Variants in CXCL17 observed in about 807,000 individuals in gnomAD.
CXCL17 encodes the protein C-X-C motif chemokine 17.
Under a neutral mutation model 15.5 loss-of-function variants are expected in CXCL17, and 9 were observed. The ratio of observed to expected loss-of-function variants is 0.58; its 90% CI spans 0.35 to 1.01. The LOEUF (loss-of-function observed/expected upper bound fraction) is 1.01. Among genes scored for constraint, CXCL17 ranks in the 50% least tolerant of loss-of-function variants. The pLI, the probability that CXCL17 is intolerant of heterozygous loss-of-function variation, is 0.02. For missense variants in CXCL17, 133 were observed against 138.2 expected (o/e 0.96, Z 0.19); for synonymous variants, 52 against 52.3 (o/e 0.99, Z 0.02).
At chr19:42,438,010 T>C (rs2040849231) in intron 1 of CXCL17, among the ~76,000 whole-genome samples, 1 of 152,082 alleles carries the variant, frequency 6.6e-6, no homozygotes, top group Non-Finnish European at 1.5e-5. Context: ...CGATAAAGTC[T>C]AATTTATGAA....
chr19:42,431,597 TA>T (rs1236065271), intron 3 of CXCL17, among the ~76,000 whole-genome samples: 5 of 141,146 alleles, frequency 3.5e-5, no homozygotes, highest in African/African-American at 1.2e-4. Flanking sequence ...GGATGTGAAA[TA>T]GGGGGTCTCT....
chr19:42,430,542 C>T (rs1012549851), intron 3 of CXCL17, among the ~76,000 whole-genome samples: 12 of 148,382 alleles, frequency 8.1e-5, no homozygotes, highest in South Asian at 2.1e-4. Context: ...TGCAGTGAGC[C>T]GAGATTGCGC....
At chr19:42,431,610 C>T (rs1313211547) in intron 3 of CXCL17, among the ~76,000 whole-genome samples, 1 of 116,010 alleles carries the variant, frequency 8.6e-6, no homozygotes, top group East Asian at 2.1e-4. Flanking sequence ...GGGGTCTCTA[C>T]ATCATTTTTT....
chr19:42,441,810 T>C (rs974617749), intron 1 of CXCL17, among the ~76,000 whole-genome samples: 8 of 152,176 alleles, frequency 5.3e-5, no homozygotes, highest in African/African-American at 1.9e-4. Context: ...TGGGCCACTT[T>C]ATAGTGAAAG....
intron 1 of CXCL17, among the ~76,000 whole-genome samples, chr19:42,441,874 G>T (rs990086373): frequency 6.6e-6 from 1 of 152,184 alleles, no homozygotes; most frequent in African/African-American, 2.4e-5. Context: ...AATGTGAGCT[G>T]TTACAGCAGG....
At chr19:42,440,242 A>AT (rs2040878700) in intron 1 of CXCL17, among the ~76,000 whole-genome samples, 1 of 152,082 alleles carries the variant, frequency 6.6e-6, no homozygotes, top group Non-Finnish European at 1.5e-5. Context: ...ATAATCTGTT[A>AT]TTTTAAGTAA....
intron 1 of CXCL17, among the ~76,000 whole-genome samples, chr19:42,437,073 G>T (rs954391362): frequency 6.6e-6 from 1 of 152,054 alleles, no homozygotes; most frequent in Non-Finnish European, 1.5e-5. Context: ...AAGTAGCTGG[G>T]ATTACAGGCA....
At chr19:42,429,377 G>A (rs2040752908) in intron 3 of CXCL17, among the ~76,000 whole-genome samples, 1 of 151,756 alleles carries the variant, frequency 6.6e-6, no homozygotes, top group Admixed American at 6.6e-5. Flanking sequence ...TGCCCAGGCT[G>A]GAGTGCAGTG....
At chr19:42,435,523 T>C (rs950421926) in intron 1 of CXCL17, among the ~76,000 whole-genome samples, 1 of 152,036 alleles carries the variant, frequency 6.6e-6, no homozygotes, top group African/African-American at 2.4e-5. Flanking sequence ...CCAGTCTGCC[T>C]GGTGTCCTTA....
chr19:42,428,766 A>G lies in CXCL17; in HGVS notation c.*118T>C. 5.3e-6 allele frequency: 4 copies of G among 757,896 alleles called. 1 individual carries two copies. In the South Asian group the frequency reaches 6.1e-5, roughly 12 times the overall value. The allele number at this position is 757,896 out of a possible 1,614,324, so 46.9% of individuals were successfully genotyped here. ...AAACATGCTTTTTGAGAGCACTGGAATGATTTAGGGGTGGGTACAGTGGGA... is the reference window on the plus strand; with the variant it reads ...AAACATGCTTTTTGAGAGCACTGGAGTGATTTAGGGGTGGGTACAGTGGGA... On this transcript the variant is annotated 3_prime_UTR_variant, in exon 4 of 4. Transcript: ENST00000601181.
chr19:42,438,395 TATATATATATAA>T (rs1043762836), intron 1 of CXCL17, among the ~76,000 whole-genome samples: 1 of 102,238 alleles, frequency 9.8e-6, no homozygotes, highest in African/African-American at 4.7e-5. Flanking sequence ...TATATATATA[TATATATATATAA>T]AATACACACA....
At chr19:42,436,779 AT>A (rs1353777173) in intron 1 of CXCL17, among the ~76,000 whole-genome samples, 1 of 152,068 alleles carries the variant, frequency 6.6e-6, no homozygotes, top group African/African-American at 2.4e-5. Context: ...AGAAAGTTTT[AT>A]TTTTTAGATG....
intron 1 of CXCL17, among the ~76,000 whole-genome samples, chr19:42,436,151 G>A (rs11671846): frequency 0.11 from 16,736 of 149,496 alleles, 1,029 homozygotes; most frequent in Admixed American, 0.2. Context: ...GTAGGCATTT[G>A]GCAAATGTTT....
Position 42,428,400 on chromosome 19 carries a change from A to G in CXCL17, c.*484T>C, listed in dbSNP as rs565842565. 1 of 151,922 alleles carries G rather than the reference A, an allele frequency of 6.6e-6. No homozygotes were observed. Among genetic ancestry groups the G allele is most frequent in the East Asian group, 1.9e-4 (1 of 5,170 alleles). The allele number at this position is 151,922 out of a possible 1,614,324, so 9.4% of individuals were successfully genotyped here. On this transcript the variant is annotated 3_prime_UTR_variant, in exon 4 of 4. Transcript: ENST00000601181. ...TTTGTCGAATGAGTGAAAGATGAAC[A>G]AGTAGGCCAATGGAGACAGAGTGAG...
At chr19:42,440,047 A>G (rs2147704383) in intron 1 of CXCL17, among the ~76,000 whole-genome samples, 1 of 152,320 alleles carries the variant, frequency 6.6e-6, no homozygotes, top group Admixed American at 6.5e-5. Flanking sequence ...CTGGAACTCT[A>G]TTTTTACAAT....
intron 1 of CXCL17, among the ~76,000 whole-genome samples, chr19:42,438,268 G>C (rs958461087): frequency 6.4e-5 from 9 of 140,668 alleles, no homozygotes; most frequent in Non-Finnish European, 1.2e-4. Flanking sequence ...TGAGGCAGGA[G>C]AATGGTGTGA....
chr19:42,435,773 T>A (rs2040828556), intron 1 of CXCL17, among the ~76,000 whole-genome samples: 1 of 148,812 alleles, frequency 6.7e-6, no homozygotes, highest in Non-Finnish European at 1.5e-5. Flanking sequence ...AAGGTTGCAG[T>A]GAGCTGAGAT....
At chr19:42,435,790 A>G (rs773388661) in intron 1 of CXCL17, among the ~76,000 whole-genome samples, 17 of 149,898 alleles carry the variant, frequency 1.1e-4, no homozygotes, top group Non-Finnish European at 2.1e-4. Flanking sequence ...AGATCATACC[A>G]TTGCACTCCA....
At chr19:42,438,049 A>G (rs1364293616) in intron 1 of CXCL17, among the ~76,000 whole-genome samples, 1 of 152,022 alleles carries the variant, frequency 6.6e-6, no homozygotes, top group African/African-American at 2.4e-5. Context: ...TAACAATAAG[A>G]TAGAACAATT....
Sources: gnomAD v4.1 joint callset for allele counts (sites outside exome capture counted in the v4.1 genomes callset) on GRCh38, gnomAD v4.1.1 for gene constraint, MANE v1.5 for transcripts, NCBI Gene and HGNC (gene_info 2026-07-23, HGNC 2026-07-21) for gene names.